The following SLC16A7 variants were observed in gnomAD, a reference collection of about 807,000 sequenced individuals.
The protein encoded by SLC16A7 is monocarboxylate transporter 2.
In SLC16A7, 33 loss-of-function variants were observed where a neutral mutation model predicts 34.9. That is an observed-to-expected ratio of 0.94 (90% CI 0.72 to 1.26). The LOEUF is 1.26. Among genes scored for constraint, SLC16A7 ranks in the 50% most tolerant of loss-of-function variants. The pLI is 0.00. For missense variants in SLC16A7, 573 were observed against 578.1 expected (o/e 0.99, Z 0.09); for synonymous variants, 201 against 206.6 (o/e 0.97, Z 0.23).
chr12:59,756,404 A>T (rs981199568), intron 3 of SLC16A7, among the ~76,000 whole-genome samples: 6 of 151,826 alleles, frequency 4.0e-5, no homozygotes, highest in African/African-American at 9.7e-5. Flanking sequence ...TCAAACAAAT[A>T]TACAAGAGAA....
chr12:59,771,975 G>A (rs757644168), intron 4 of SLC16A7, among the ~76,000 whole-genome samples: 4 of 152,096 alleles, frequency 2.6e-5, no homozygotes, highest in African/African-American at 4.8e-5. Context: ...CTTGATGATA[G>A]TTGTTTCTCA....
At chr12:59,778,752 A>T (rs867850659) in intron 5 of SLC16A7, among the ~76,000 whole-genome samples, 1 of 152,142 alleles carries the variant, frequency 6.6e-6, no homozygotes, top group Non-Finnish European at 1.5e-5. Flanking sequence ...GTGACATGGC[A>T]CTTAAACAAC....
chr12:59,753,486 A>G (rs1174648204), intron 3 of SLC16A7, among the ~76,000 whole-genome samples: 4 of 152,200 alleles, frequency 2.6e-5, no homozygotes, highest in Non-Finnish European at 5.9e-5. Context: ...CTTTAAACCA[A>G]CAAAGATCAA....
intron 3 of SLC16A7, among the ~76,000 whole-genome samples, chr12:59,744,425 G>A (rs1435979262): frequency 6.6e-6 from 1 of 152,112 alleles, no homozygotes; most frequent in Admixed American, 6.5e-5. Flanking sequence ...GCTGGACTCT[G>A]GGGGAAGCTT....
intron 4 of SLC16A7, among the ~76,000 whole-genome samples, chr12:59,773,036 A>G (rs554120678): frequency 1.0e-3 from 154 of 152,134 alleles, no homozygotes; most frequent in Non-Finnish European, 1.9e-3. Flanking sequence ...TTCCAAATGA[A>G]AATATGGATT....
chr12:59,638,520 T>C (rs1293917326), intron 1 of SLC16A7, among the ~76,000 whole-genome samples: 1 of 152,174 alleles, frequency 6.6e-6, no homozygotes, highest in Non-Finnish European at 1.5e-5. Context: ...CAGACCTGAC[T>C]TTTAACATCT....
chr12:59,759,874 T>C (rs867868724), intron 3 of SLC16A7, among the ~76,000 whole-genome samples: 2 of 152,108 alleles, frequency 1.3e-5, no homozygotes, highest in Non-Finnish European at 2.9e-5. Context: ...CACAATTAAC[T>C]AATATTAGCA....
intron 2 of SLC16A7, among the ~76,000 whole-genome samples, chr12:59,678,410 A>G (rs1870479125): frequency 6.6e-6 from 1 of 152,164 alleles, no homozygotes; most frequent in African/African-American, 2.4e-5. Flanking sequence ...TCCTCTCTGC[A>G]GCCAGCTTGT....
intron 1 of SLC16A7, among the ~76,000 whole-genome samples, chr12:59,614,842 A>C (rs2136972584): frequency 6.7e-6 from 1 of 148,352 alleles, no homozygotes; most frequent in Middle Eastern, 3.5e-3. Context: ...AAAAAAAAAA[A>C]AAAAAAAAAA....
At chr12:59,764,278 A>G (rs1881310942) in intron 3 of SLC16A7, among the ~76,000 whole-genome samples, 1 of 152,130 alleles carries the variant, frequency 6.6e-6, no homozygotes, top group Admixed American at 6.6e-5. Context: ...AATTCTACTG[A>G]AGGTAAGGAA....
At chr12:59,665,730 T>G (rs1352019885) in intron 2 of SLC16A7, among the ~76,000 whole-genome samples, 1 of 151,974 alleles carries the variant, frequency 6.6e-6, no homozygotes, top group African/African-American at 2.4e-5. Flanking sequence ...CATCATGAAT[T>G]ACAGGAATTT....
rs539218058 is a variant in SLC16A7, at chr12:59,785,918, A to C, written c.*6239A>C. 2 of 151,216 alleles carry C rather than the reference A, an allele frequency of 1.3e-5. No individual in the cohort carries two copies. The highest frequency in any genetic ancestry group is 3.0e-5 in the Non-Finnish European group (2 of 67,782). The allele number at this position is 151,216 out of a possible 1,614,324, so 9.4% of individuals were successfully genotyped here. A position where few individuals can be genotyped will look rare whatever the true frequency, so the allele number is the denominator to read the frequency against. ...GATGAAATTAGAAATCATCATTCTC[A>C]GTAAACTATCGCAAGAACAAAAAAC... On this transcript the variant is annotated 3_prime_UTR_variant, in exon 6 of 6. Transcript: ENST00000547379.
In SLC16A7 at chr12:59,785,952, G is replaced by A. The variant is rs1335420219; in HGVS notation, c.*6273G>A. The A allele has an allele frequency of 2.1e-5, 3 of 145,876 alleles. No individual in the cohort carries two copies. The highest frequency in any genetic ancestry group is 7.6e-5 in the African/African-American group (3 of 39,384). 9.0% of individuals were successfully genotyped at this position (145,876 alleles called of 1,614,324 possible). ...TCGCAAGAACAAAAAACCAAACACC[G>A]CATATTCTCACTCATAGGTGGGAAC... On this transcript the variant is annotated 3_prime_UTR_variant, in exon 6 of 6. Transcript: ENST00000547379.
chr12:59,765,882 A>G (rs1881565514), intron 3 of SLC16A7, among the ~76,000 whole-genome samples: 1 of 152,166 alleles, frequency 6.6e-6, no homozygotes, highest in African/African-American at 2.4e-5. Context: ...AGTAATTGGT[A>G]GCTTGATGGG....
intron 3 of SLC16A7, among the ~76,000 whole-genome samples, chr12:59,738,163 C>T (rs1245021988): frequency 1.3e-5 from 2 of 152,122 alleles, no homozygotes; most frequent in South Asian, 2.1e-4. Context: ...TTGCCCAGCA[C>T]GTATACCACA....
intron 1 of SLC16A7, among the ~76,000 whole-genome samples, chr12:59,601,926 A>G (rs1878703191): frequency 6.6e-6 from 1 of 152,148 alleles, no homozygotes; most frequent in Non-Finnish European, 1.5e-5. Flanking sequence ...TTCAACATGA[A>G]TTTTGGAGGC....
chr12:59,735,971 G>A (rs1303392729), intron 3 of SLC16A7: 2 of 1,147,800 alleles, frequency 1.7e-6, no homozygotes, highest in South Asian at 1.4e-5. Flanking sequence ...CCTTTAAAGA[G>A]ATCACCATCT....
chr12:59,788,476 TAAAG>T lies in SLC16A7; in HGVS notation c.*8799_*8802del, dbSNP rs1472858726. 6.6e-6 allele frequency: 1 copy of T among 152,064 alleles called. No individual in the cohort carries two copies. Among genetic ancestry groups the T allele is most frequent in the African/African-American group, 2.4e-5 (1 of 41,446 alleles). The allele number at this position is 152,064 out of a possible 1,614,324, so 9.4% of individuals were successfully genotyped here. On this transcript the variant is annotated 3_prime_UTR_variant, in exon 6 of 6. Coordinates refer to ENST00000547379, the MANE Select transcript of SLC16A7 (RefSeq NM_001270623.2). ...AACTATGGTTACTATGATAGTGAAA[TAAAG>T]AGGATAGTTTTGCTTGACACCTAAA...
At chr12:59,614,824 TAAAAAAAAAAAA>T (rs71448588) in intron 1 of SLC16A7, among the ~76,000 whole-genome samples, 19 of 35,742 alleles carry the variant, frequency 5.3e-4, no homozygotes, top group African/African-American at 2.2e-3. Context: ...CCATTCCTAC[TAAAAAAAAAAAA>T]AAAAAAAAAA....
Sources: allele counts gnomAD v4.1 joint callset (sites outside exome capture counted in the v4.1 genomes callset), GRCh38; gene constraint gnomAD v4.1.1; transcripts MANE v1.5; gene names NCBI Gene and HGNC (gene_info 2026-07-23, HGNC 2026-07-21).